Variants in SULF2 observed in about 807,000 individuals in gnomAD.
SULF2 encodes sulfatase 2, also known as extracellular sulfatase Sulf-2.
A neutral mutation model predicts 107.7 loss-of-function variants in SULF2; 52 were observed. The observed-to-expected ratio is 0.48, with a 90% CI of 0.39 to 0.61. The LOEUF is 0.61. Among genes scored for constraint, SULF2 ranks in the 20% least tolerant of loss-of-function variants. SULF2 has a pLI of 0.00. For synonymous variants in SULF2, 460 were observed against 464.3 expected, an observed-to-expected ratio of 0.99 and a Z score of 0.12; for missense variants, 993 against 1,177.3, an observed-to-expected ratio of 0.84 and a Z score of 2.29.
At chr20:47,671,838 C>T (rs777132723) in intron 11 of SULF2, among the ~76,000 whole-genome samples, 4 of 151,888 alleles carry the variant, frequency 2.6e-5, no homozygotes, top group Non-Finnish European at 5.9e-5. Context: ...CCTCAGCCTC[C>T]CAAGTAGCTG....
intron 3 of SULF2, among the ~76,000 whole-genome samples, chr20:47,728,446 T>G (rs1600588911): frequency 1.4e-5 from 2 of 146,152 alleles, no homozygotes; most frequent in African/African-American, 2.6e-5. Context: ...GGAGTGGGGG[T>G]GGAGAGGAGA....
At chr20:47,738,383 A>G (rs1415898400) in intron 2 of SULF2, among the ~76,000 whole-genome samples, 1 of 152,128 alleles carries the variant, frequency 6.6e-6, no homozygotes, top group African/African-American at 2.4e-5. Flanking sequence ...TTTTCCTTGC[A>G]GTTCTTAAGG....
chr20:47,723,851 G>A (rs1240333497), intron 3 of SULF2, among the ~76,000 whole-genome samples: 4 of 152,188 alleles, frequency 2.6e-5, no homozygotes. Flanking sequence ...TAGAAATAAA[G>A]TGCACACTAA....
chr20:47,766,863 T>C (rs1364839586), intron 1 of SULF2, among the ~76,000 whole-genome samples: 2 of 151,542 alleles, frequency 1.3e-5, no homozygotes, highest in Non-Finnish European at 2.9e-5. Context: ...GTATGTCAAG[T>C]GGGTAGATGT....
At chr20:47,781,004 C>T (rs191323445) in intron 1 of SULF2, among the ~76,000 whole-genome samples, 1 of 152,340 alleles carries the variant, frequency 6.6e-6, no homozygotes, top group Admixed American at 6.5e-5. Flanking sequence ...AGGACCCTCC[C>T]TAGAAGTTTG....
At chr20:47,715,439 CCT>C (rs1325091862) in intron 3 of SULF2, among the ~76,000 whole-genome samples, 9 of 152,280 alleles carry the variant, frequency 5.9e-5, no homozygotes, top group South Asian at 4.1e-4. Context: ...TCCCTTGTCC[CCT>C]GTGTCCTCAC....
At chr20:47,725,719 C>A (rs761872766) in intron 3 of SULF2, among the ~76,000 whole-genome samples, 60 of 152,168 alleles carry the variant, frequency 3.9e-4, no homozygotes, top group Admixed American at 9.8e-4. Context: ...GGCACCCCCT[C>A]CCCACCCAGC....
Position 47,757,228 on chromosome 20 carries a change from T to A in SULF2, c.136A>T (p.Ile46Phe). The change falls in exon 2 of 21, where the codon ATC becomes TTC. Residue 46 changes from isoleucine to phenylalanine, a missense_variant. By Grantham distance (21) the Ile-to-Phe change is conservative. This residue lies in a region of SULF2 where 388 missense variants were observed against 449.2 expected (regional missense o/e 0.86). Coordinates refer to ENST00000688720, the MANE Select transcript of SULF2 (RefSeq NM_001387048.1). Reference sequence around the variant, plus strand: ...TGGTCGTCCGTCAGCACCAGGATGATGTTGGGGCGGATGTTCCTGCGGTCC... The same window carrying A: ...TGGTCGTCCGTCAGCACCAGGATGAAGTTGGGGCGGATGTTCCTGCGGTCC... Reference protein sequence around the residue: ...QRDRRNIRPNIILVLTDDQDV... With the variant: ...QRDRRNIRPNFILVLTDDQDV... 1 of 1,564,682 alleles carries A rather than the reference T, an allele frequency of 6.4e-7. No individual in the cohort carries two copies. Among genetic ancestry groups the A allele is most frequent in the Non-Finnish European group, 8.7e-7 (1 of 1,153,660 alleles).
chr20:47,772,698 T>C (rs1336902746), intron 1 of SULF2, among the ~76,000 whole-genome samples: 6 of 151,564 alleles, frequency 4.0e-5, no homozygotes, highest in African/African-American at 1.2e-4. Flanking sequence ...CTTCACTCAC[T>C]CAGGTCTCCT....
At chr20:47,722,633 T>TA in intron 3 of SULF2, among the ~76,000 whole-genome samples, 1 of 151,682 alleles carries the variant, frequency 6.6e-6, no homozygotes. Context: ...ACAAAACATG[T>TA]AAAAAACAAG....
At chr20:47,699,796 G>A (rs1006034484) in intron 4 of SULF2, among the ~76,000 whole-genome samples, 4 of 152,178 alleles carry the variant, frequency 2.6e-5, no homozygotes, top group Admixed American at 2.0e-4. Flanking sequence ...TGTGGCTTCT[G>A]TTGAAAAATC....
At chr20:47,719,990 C>T (rs1600566662) in intron 3 of SULF2, among the ~76,000 whole-genome samples, 2 of 152,200 alleles carry the variant, frequency 1.3e-5, no homozygotes, top group South Asian at 4.1e-4. Context: ...CAGAGTCTTG[C>T]TCTGTTGCCC....
Position 47,680,668 on chromosome 20 carries a change from T to C in SULF2, c.1065-1864A>G, listed in dbSNP as rs552816894. On this transcript the variant is annotated intron_variant, in intron 7 of 20. Transcript: ENST00000688720. The surrounding 1 kb of genome is among the most constrained non-coding windows in gnomAD (Gnocchi z 4.2). ...AGCTGCTGAAGATGGGGCTGTGTCA[T>C]GGGGGGCTCGAAGGCCAGCGTGAGG... is the stretch of plus-strand genomic sequence containing the variant. 6.8e-4 allele frequency among the ~76,000 whole-genome samples: 104 copies of C among 152,250 alleles called. No homozygotes were observed. Among genetic ancestry groups the C allele is most frequent in the African/African-American group, 2.1e-3 (89 of 41,542 alleles).
At chr20:47,764,452 C>T (rs192145226) in intron 1 of SULF2, among the ~76,000 whole-genome samples, 11 of 152,212 alleles carry the variant, frequency 7.2e-5, no homozygotes, top group African/African-American at 2.7e-4. Context: ...TCCCACCCCC[C>T]CTTATATATG....
rs149875402 is a variant in SULF2 at position 47,737,826 on chromosome 20, G to C, written c.176-884C>G. Among the ~76,000 whole-genome samples, 311 of 125,054 alleles carry C rather than the reference G, an allele frequency of 2.5e-3. 2 individuals carry two copies. The highest frequency in any genetic ancestry group is 8.3e-3 in the African/African-American group (276 of 33,070). The allele number at this position is 125,054 out of a possible 152,430, so 82.0% of individuals were successfully genotyped here. ...TGCCCAGGCTGGAGTGCAGTGGTGT[G>C]ATCTTGACTCACTGCAATCTCTGCT... On this transcript the variant is annotated intron_variant, in intron 2 of 20. Transcript: ENST00000688720.
At chr20:47,667,802 C>G (rs1410105712) in intron 11 of SULF2, among the ~76,000 whole-genome samples, 1 of 152,012 alleles carries the variant, frequency 6.6e-6, no homozygotes, top group African/African-American at 2.4e-5. Context: ...CCAAAGAGGA[C>G]CAGCTGGAGG....
chr20:47,703,011 G>C (rs1177363654), intron 3 of SULF2, among the ~76,000 whole-genome samples: 1 of 152,170 alleles, frequency 6.6e-6, no homozygotes, highest in Admixed American at 6.5e-5. Context: ...TGCCTCCCAG[G>C]TTTCAAGCAA....
intron 3 of SULF2, among the ~76,000 whole-genome samples, chr20:47,715,621 A>C: frequency 6.8e-6 from 1 of 146,756 alleles, no homozygotes; most frequent in African/African-American, 2.5e-5. Flanking sequence ...CCACACTGTC[A>C]CCCAGGCTGG....
chr20:47,697,795 A>C (rs2088433526), intron 4 of SULF2, among the ~76,000 whole-genome samples: 1 of 152,184 alleles, frequency 6.6e-6, no homozygotes, highest in African/African-American at 2.4e-5. Flanking sequence ...CCCCAAAAGA[A>C]TCCTGAGCAC....
Sources: allele counts gnomAD v4.1 joint callset (sites outside exome capture counted in the v4.1 genomes callset), GRCh38; gene constraint gnomAD v4.1.1; regional missense constraint gnomAD v4.1.1; non-coding constraint Gnocchi (gnomAD v3.1); transcripts MANE v1.5; gene names NCBI Gene and HGNC (gene_info 2026-07-23, HGNC 2026-07-21).